ABLIM2: variants seen among roughly 807,000 people sequenced by gnomAD.
ABLIM2 encodes the protein actin binding LIM protein family member 2.
Under a neutral mutation model 97.7 loss-of-function variants are expected in ABLIM2, and 53 were observed. That is an observed-to-expected ratio of 0.54 (90% CI 0.44 to 0.68). ABLIM2 has a LOEUF of 0.68. Ranked by LOEUF, ABLIM2 falls within the 30% of genes least tolerant of loss-of-function variation. ABLIM2 has a pLI of 0.00. For missense variants in ABLIM2, 835 were observed against 867.2 expected (o/e 0.96, Z 0.47); for synonymous variants, 361 against 345.8 (o/e 1.04, Z -0.49).
intron 1 of ABLIM2, among the ~76,000 whole-genome samples, chr4:8,126,335 C>T (rs1268443841): frequency 2.0e-5 from 3 of 151,994 alleles, no homozygotes; most frequent in South Asian, 2.1e-4. Context: ...AGGAGGGAGC[C>T]GCTGGAGGCC....
chr4:8,035,076 G>A (rs190177905), intron 10 of ABLIM2, among the ~76,000 whole-genome samples: 1 of 76,704 alleles, frequency 1.3e-5, no homozygotes, highest in Non-Finnish European at 3.0e-5. Flanking sequence ...AGGTGAGTGG[G>A]TGGCAGGTAG....
At chr4:8,151,147 T>C (rs530167284) in intron 1 of ABLIM2, among the ~76,000 whole-genome samples, 1 of 152,146 alleles carries the variant, frequency 6.6e-6, no homozygotes, top group Non-Finnish European at 1.5e-5. Context: ...CAAGTGACGA[T>C]TGGGGCTGGA....
chr4:7,983,496 T>C (rs1361476624), intron 19 of ABLIM2, 51 bp downstream of exon 19: 7 of 1,610,118 alleles, frequency 4.3e-6, no homozygotes, highest in Admixed American at 1.7e-5. Context: ...ACTTTTAACC[T>C]GGGCAGGTGT....
At position 8,054,339 on chromosome 4, in the gene ABLIM2, C is replaced by A; in HGVS notation, c.764-93G>T. 1 of 1,318,206 alleles carries A rather than the reference C, an allele frequency of 7.6e-7. No individual in the cohort carries two copies. The highest frequency in any genetic ancestry group is 1.1e-6 in the Non-Finnish European group (1 of 926,310). The allele number at this position is 1,318,206 out of a possible 1,614,324, so 81.7% of individuals were successfully genotyped here. ...ACGCAGAGGAGGGAGCTGGTCCATG[C>A]ACAGACGTGCACTCGGACTCCACCC... On this transcript the variant is annotated intron_variant, in intron 7 of 20. Transcript: ENST00000447017. This position sits in a 1 kb window ranked among gnomAD's most constrained non-coding sequence, Gnocchi z 4.9.
chr4:8,027,432 CATGAA>C (rs1778132183), intron 12 of ABLIM2, among the ~76,000 whole-genome samples: 1 of 152,208 alleles, frequency 6.6e-6, no homozygotes, highest in Non-Finnish European at 1.5e-5. Context: ...CCGGCTGACA[CATGAA>C]ATCAGAGGTG....
chr4:7,984,964 G>A (rs897184184), intron 17 of ABLIM2, 71 bp from the exon 18 acceptor site: 1 of 1,527,116 alleles, frequency 6.5e-7, no homozygotes, highest in Non-Finnish European at 8.9e-7. Context: ...CAGGGACCAG[G>A]AGATGTGGCC....
chr4:8,136,471 T>C (rs1850217749), intron 1 of ABLIM2, among the ~76,000 whole-genome samples: 1 of 152,210 alleles, frequency 6.6e-6, no homozygotes, highest in Non-Finnish European at 1.5e-5. Flanking sequence ...TAAAAAATGA[T>C]GCCAATAGAT....
At chr4:7,968,274 T>C (rs910896382) in intron 20 of ABLIM2, among the ~76,000 whole-genome samples, 1 of 152,228 alleles carries the variant, frequency 6.6e-6, no homozygotes, top group Non-Finnish European at 1.5e-5. Flanking sequence ...GAGTTTTCTG[T>C]AGTTCTGCGA....
At chr4:8,060,785 G>C (rs1367263646) in intron 7 of ABLIM2, among the ~76,000 whole-genome samples, 182 bp downstream of exon 7, 1 of 152,186 alleles carries the variant, frequency 6.6e-6, no homozygotes, top group African/African-American at 2.4e-5. Context: ...GACAAGGCAG[G>C]CTGACGAGGC....
rs1332437182 is a variant in ABLIM2, at chr4:8,128,876, A to G, written c.11-22239T>C. On this transcript the variant is annotated intron_variant, in intron 1 of 20. Coordinates refer to ENST00000447017, the MANE Select transcript of ABLIM2 (RefSeq NM_001130083.2). The surrounding 1 kb of genome is among the most constrained non-coding windows in gnomAD (Gnocchi z 4.9). ...GAAAAGGCGGCTGTCTGCAGCTCAG[A>G]AGAGGGCCCACCCAGAGCCCGACCA... Among the ~76,000 whole-genome samples, 1 of 152,140 alleles carries G rather than the reference A, an allele frequency of 6.6e-6. No homozygotes were observed. The highest frequency in any genetic ancestry group is 1.9e-4 in the East Asian group (1 of 5,192).
At chr4:8,151,995 A>C (rs531367748) in intron 1 of ABLIM2, among the ~76,000 whole-genome samples, 14 of 152,236 alleles carry the variant, frequency 9.2e-5, no homozygotes, top group African/African-American at 3.4e-4. Context: ...AGGAACCCCC[A>C]TAGGAGGCGG....
In ABLIM2 at chr4:8,089,420, T is replaced by C. The variant is rs541032637; in HGVS notation, c.339-1136A>G. Reference sequence around the variant, plus strand: ...TTTCAGGCAGAAGCCCGTGGAAGTGTCAGACCACGGGTGCCCCTTAAATCC... The same window carrying C: ...TTTCAGGCAGAAGCCCGTGGAAGTGCCAGACCACGGGTGCCCCTTAAATCC... On this transcript the variant is annotated intron_variant, in intron 3 of 20. Coordinates refer to ENST00000447017, the MANE Select transcript of ABLIM2 (RefSeq NM_001130083.2). Among the ~76,000 whole-genome samples, 3 of 152,244 alleles carry C rather than the reference T, an allele frequency of 2.0e-5. No individual in the cohort carries two copies. The South Asian group carries it at 6.2e-4, about 32-fold the overall frequency.
In ABLIM2 at chr4:8,127,758, G is replaced by A. The variant is rs926097461; in HGVS notation, c.11-21121C>T. The A allele has an allele frequency of 8.4e-5, 81 of 967,404 alleles. No individual in the cohort carries two copies. Among genetic ancestry groups the A allele is most frequent in the Non-Finnish European group, 9.6e-5 (78 of 813,894 alleles). The allele number at this position is 967,404 out of a possible 1,614,324, so 59.9% of individuals were successfully genotyped here. On this transcript the variant is annotated intron_variant, in intron 1 of 20. Transcript: ENST00000447017. This position sits in a 1 kb window ranked among gnomAD's most constrained non-coding sequence, Gnocchi z 7.3. ...GGAGGGGCAGAGCCAAGCCCTTCCC[G>A]GCACACTGAAATAGACTCCCGCCAC...
intron 1 of ABLIM2, among the ~76,000 whole-genome samples, chr4:8,121,382 G>GT (rs1845370807): frequency 6.6e-6 from 1 of 152,248 alleles, no homozygotes; most frequent in Non-Finnish European, 1.5e-5. Context: ...TCCAGTCGCT[G>GT]GCCCAGGCGC....
At position 8,127,678 on chromosome 4, in the gene ABLIM2, C is replaced by G; in HGVS notation, c.11-21041G>C. Reference sequence around the variant, plus strand: ...GCAGGAGTGGACCGGGGAAGAGCCTCTGTGGCCCACAGGGCTCCCACAAGG... The same window carrying G: ...GCAGGAGTGGACCGGGGAAGAGCCTGTGTGGCCCACAGGGCTCCCACAAGG... On this transcript the variant is annotated intron_variant, in intron 1 of 20. Coordinates refer to ENST00000447017, the MANE Select transcript of ABLIM2 (RefSeq NM_001130083.2). This position sits in a 1 kb window ranked among gnomAD's most constrained non-coding sequence, Gnocchi z 7.3. 1 of 1,268,282 alleles carries G rather than the reference C, an allele frequency of 7.9e-7. No individual in the cohort carries two copies. The highest frequency in any genetic ancestry group is 1.0e-6 in the Non-Finnish European group (1 of 973,724). The allele number at this position is 1,268,282 out of a possible 1,614,324, so 78.6% of individuals were successfully genotyped here. A position where few individuals can be genotyped will look rare whatever the true frequency, so the allele number is the denominator to read the frequency against.
At chr4:8,010,421 G>C in intron 14 of ABLIM2, 2 of 985,936 alleles carry the variant, frequency 2.0e-6, no homozygotes, top group South Asian at 9.4e-5. Context: ...GCCGAGGTGG[G>C]CTTCTTACCT....
intron 8 of ABLIM2, among the ~76,000 whole-genome samples, chr4:8,051,904 A>G (rs1223390486): frequency 6.6e-6 from 1 of 152,184 alleles, no homozygotes; most frequent in Non-Finnish European, 1.5e-5. Flanking sequence ...CCAATCGCCT[A>G]AGCCCTATGC....
chr4:8,071,716 T>G lies in ABLIM2; in HGVS notation c.675+5912A>C. The G allele has an allele frequency of 1.7e-5, 7 of 402,456 alleles. No homozygotes were observed. The highest frequency in any genetic ancestry group is 2.3e-5 in the Non-Finnish European group (7 of 304,490). The allele number at this position is 402,456 out of a possible 1,614,324, so 24.9% of individuals were successfully genotyped here. On this transcript the variant is annotated intron_variant, in intron 6 of 20. Coordinates refer to ENST00000447017, the MANE Select transcript of ABLIM2 (RefSeq NM_001130083.2). The surrounding 1 kb of genome is among the most constrained non-coding windows in gnomAD (Gnocchi z 6.2). The stretch of plus-strand genomic sequence containing the variant: ...AAACCCACCCACCCGCAGCCCCTCC[T>G]GGCCCCTGTGAGCCCCCATCAGCCC...
In ABLIM2 at chr4:8,002,162, A is replaced by G. The variant is rs889737453; in HGVS notation, c.1618+5897T>C. On this transcript the variant is annotated intron_variant, in intron 16 of 20. Transcript: ENST00000447017. This position sits in a 1 kb window ranked among gnomAD's most constrained non-coding sequence, Gnocchi z 6.1. ...TCCCATCTGGGAGCCGGGGACCCTC[A>G]GTCTCTGCCTCCAGCCTGGACCTCT... 6.6e-6 allele frequency among the ~76,000 whole-genome samples: 1 copy of G among 152,098 alleles called. No homozygotes were observed. The highest frequency in any genetic ancestry group is 2.4e-5 in the African/African-American group (1 of 41,410).
Sources: allele counts gnomAD v4.1 joint callset (sites outside exome capture counted in the v4.1 genomes callset), GRCh38; gene constraint gnomAD v4.1.1; non-coding constraint Gnocchi (gnomAD v3.1); transcripts MANE v1.5; gene names NCBI Gene and HGNC (gene_info 2026-07-23, HGNC 2026-07-21).